USP6: variants seen among roughly 807,000 people sequenced by gnomAD.
USP6 encodes the protein ubiquitin specific peptidase 6, also known as ubiquitin carboxyl-terminal hydrolase 6.
A neutral mutation model predicts 175.7 loss-of-function variants in USP6; 128 were observed. That is an observed-to-expected ratio of 0.73 (90% CI 0.63 to 0.84). USP6 has a LOEUF of 0.84. Ranked by LOEUF, USP6 falls within the 40% of genes least tolerant of loss-of-function variation. The pLI, the probability that USP6 is intolerant of heterozygous loss-of-function variation, is 0.00. For missense variants in USP6, 1,498 were observed against 1,760.3 expected, an observed-to-expected ratio of 0.85 and a Z score of 2.67; for synonymous variants, 562 against 630.6, an observed-to-expected ratio of 0.89 and a Z score of 1.63.
In USP6 at chr17:5,172,955, G is replaced by A. The variant is rs755591470; in HGVS notation, c.4198G>A (p.Glu1400Lys). The A allele has an allele frequency of 3.5e-5, 56 of 1,613,936 alleles. No homozygotes were observed. Among genetic ancestry groups the A allele is most frequent in the South Asian group, 3.2e-4 (29 of 91,074 alleles). The change falls in exon 38 of 38, where the codon GAA becomes AAA. Residue 1400 changes from glutamate to lysine, a missense_variant. Physicochemically the swap from Glu to Lys is moderately conservative, Grantham distance 56. This residue lies in a region of USP6 where 1,217 missense variants were observed against 1,500.8 expected (regional missense o/e 0.81). Transcript: ENST00000574788. The part of the protein sequence containing the change: ...STDEDSESDY[E>K]KYSMLQ Reference sequence around the variant, plus strand: ...GGATGAAGACTCTGAGTCTGATTACGAAAAGTACTCTATGTTACAGTAAAG... The same window carrying A: ...GGATGAAGACTCTGAGTCTGATTACAAAAAGTACTCTATGTTACAGTAAAG...
At chr17:5,123,802 G>GAC (rs151078930) in intron 4 of USP6, among the ~76,000 whole-genome samples, 31 of 151,256 alleles carry the variant, frequency 2.0e-4, no homozygotes, top group South Asian at 1.2e-3. Context: ...ACACCTGTAG[G>GAC]ACACACACAC....
chr17:5,171,495 T>G (rs907465188), intron 36 of USP6, 92 bp from the exon 37 acceptor site: 2 of 1,176,978 alleles, frequency 1.7e-6, no homozygotes, highest in African/African-American at 3.1e-5. Flanking sequence ...ATCATTTACA[T>G]GATCAGTGTT....
At position 5,142,090 on chromosome 17, in the gene USP6, A is replaced by G; in HGVS notation, c.1661A>G (p.Gln554Arg). ...NSSIQCVSNT[Q>R]PLTQYFISGR... ...AGCATCCAGTGCGTTAGTAACACAC[A>G]GCCACTGACACAGTATTTTATCTCA... Residue 554 changes from glutamine to arginine, a missense_variant, in exon 24 of 38, where the codon CAG becomes CGG. Gln to Arg is a conservative substitution (Grantham distance 43). This residue lies in a region of USP6 where 1,217 missense variants were observed against 1,500.8 expected (regional missense o/e 0.81). Transcript: ENST00000574788. 1.2e-6 allele frequency: 2 copies of G among 1,613,940 alleles called. No homozygotes were observed. Among genetic ancestry groups the G allele is most frequent in the South Asian group, 2.2e-5 (2 of 91,060 alleles).
chr17:5,138,048 G>A, intron 20 of USP6, 73 bp from the exon 21 acceptor site: 1 of 1,611,356 alleles, frequency 6.2e-7, no homozygotes, highest in African/African-American at 1.3e-5. Flanking sequence ...GTGGGAGACT[G>A]AAGTGGCCAC....
chr17:5,137,454 G>A (rs1481733797), intron 19 of USP6, among the ~76,000 whole-genome samples, 197 bp from the exon 20 acceptor site: 1 of 152,208 alleles, frequency 6.6e-6, no homozygotes, highest in African/African-American at 2.4e-5. Flanking sequence ...CTCTCTCCAG[G>A]AGCCACATAC....
At chr17:5,172,784 A>C (rs2074255896) in intron 37 of USP6, 21 bp from the exon 38 acceptor site, 1 of 1,611,630 alleles carries the variant, frequency 6.2e-7, no homozygotes, top group Non-Finnish European at 8.5e-7. Context: ...TTTTTGTTAA[A>C]GGTTTTTCTT....
At position 5,144,736 on chromosome 17, in the gene USP6, A is replaced by G. The variant is rs753109888; in HGVS notation, c.1865A>G (p.Gln622Arg). The change falls in exon 26 of 38, where the codon CAA (glutamine) becomes CGA (arginine). Residue 622 changes from glutamine (Q) to arginine (R), a missense_variant. Transcript: ENST00000574788. ...CCCAAGTTTGATGGGTTTCAGCAAC[A>G]AGACTCCCAAGAACTTCTGGCTTTT... The part of the protein sequence containing the change: ...YAPKFDGFQQ[Q>R]DSQELLAFLL... 6.2e-7 allele frequency: 1 copy of G among 1,613,838 alleles called. No individual in the cohort carries two copies. The highest frequency in any genetic ancestry group is 1.7e-5 in the Admixed American group (1 of 59,998).
intron 22 of USP6, among the ~76,000 whole-genome samples, chr17:5,140,389 A>G (rs577104715): frequency 6.6e-6 from 1 of 152,206 alleles, no homozygotes; most frequent in South Asian, 2.1e-4. Context: ...TGGGAAACAT[A>G]GGTGGACCCT....
At chr17:5,121,863 G>C (rs112713334) in intron 4 of USP6, 113 bp downstream of exon 4, 2,113 of 151,720 alleles carry the variant, frequency 0.014, 19 homozygotes, top group Middle Eastern at 0.027. Flanking sequence ...GGGAACCTGT[G>C]GGGGTTTGCA....
intron 3 of USP6, 87 bp downstream of exon 3, chr17:5,120,875 G>T: frequency 2.2e-6 from 1 of 454,562 alleles, no homozygotes; most frequent in Non-Finnish European, 4.4e-6. Flanking sequence ...AGATCCACAG[G>T]CTGTCCCAGT....
chr17:5,121,040 G>A (rs1364993392), intron 3 of USP6, among the ~76,000 whole-genome samples: 1 of 152,232 alleles, frequency 6.6e-6, no homozygotes, highest in African/African-American at 2.4e-5. Flanking sequence ...CACCACAGCT[G>A]TTTACAGGAT....
chr17:5,126,670 C>T (rs1048350060), intron 6 of USP6: 1 of 152,260 alleles, frequency 6.6e-6, no homozygotes, highest in African/African-American at 2.4e-5. Flanking sequence ...ATTCCCTTCT[C>T]CTCATCTCTC....
At chr17:5,124,135 C>T (rs2072813664) in intron 4 of USP6, among the ~76,000 whole-genome samples, 1 of 152,206 alleles carries the variant, frequency 6.6e-6, no homozygotes, top group Non-Finnish European at 1.5e-5. Flanking sequence ...ACTGCAGGCA[C>T]AGTCTGTGCA....
At chr17:5,167,201 TTC>T (rs1180102554) in intron 33 of USP6, among the ~76,000 whole-genome samples, 8 of 152,126 alleles carry the variant, frequency 5.3e-5, no homozygotes, top group African/African-American at 1.9e-4. Context: ...GTTTCTGTGT[TTC>T]ATGTTATTTC....
rs1382569517 is a variant in USP6, at chr17:5,145,528, T to C, written c.2116T>C (p.Phe706Leu). ...AAGTGTCCGATTTGACCCTTTCAAT[T>C]TTTTGTCTTTGCCACTACCAATGGA... ...HISVRFDPFN[F>L]LSLPLPMDSY... Residue 706 changes from phenylalanine to leucine, a missense_variant, in exon 27 of 38, where the codon TTT becomes CTT. Transcript: ENST00000574788. 1.2e-6 allele frequency: 2 copies of C among 1,611,684 alleles called. No individual in the cohort carries two copies. Among genetic ancestry groups the C allele is most frequent in the South Asian group, 1.1e-5 (1 of 90,540 alleles).
chr17:5,170,843 TGAA>T lies in USP6; in HGVS notation c.3888_3890del (p.Glu1296del). 6.2e-7 allele frequency: 1 copy of T among 1,613,044 alleles called. No individual in the cohort carries two copies. Among genetic ancestry groups the T allele is most frequent in the East Asian group, 2.2e-5 (1 of 44,890 alleles). On this transcript the variant is annotated inframe_deletion, in exon 36 of 38. Coordinates refer to ENST00000574788, the MANE Select transcript of USP6 (RefSeq NM_001304284.2). Reference sequence around the variant, plus strand: ...GCAATGGTCAGCTTGGAAACCACAGTGAAGAAGACAGCACTGATGACCAAAGAG... The same window carrying T: ...GCAATGGTCAGCTTGGAAACCACAGTGAAGACAGCACTGATGACCAAAGAG...
Position 5,155,567 on chromosome 17 carries a change from C to T in USP6, c.2789C>T (p.Pro930Leu), listed in dbSNP as rs1314061293. The T allele has an allele frequency of 3.7e-6, 6 of 1,613,682 alleles. No homozygotes were observed. Among genetic ancestry groups the T allele is most frequent in the African/African-American group, 2.7e-5 (2 of 74,840 alleles). ...VWIQVSWLAR[P>L]LPPQEASIHA... The stretch of plus-strand genomic sequence containing the variant: ...ATTCAAGTATCCTGGTTAGCAAGAC[C>T]ACTCCCACCTCAGGAAGCTAGTATT... The change falls in exon 31 of 38, where the codon CCA becomes CTA. Residue 930 changes from proline (P) to leucine (L), a missense_variant. By Grantham distance (98) the Pro-to-Leu change is moderately conservative (BLOSUM62 -3). Around this residue, in one of 2 missense-constraint regions of USP6, gnomAD observed 1,217 missense variants for 1,500.8 expected, o/e 0.81. Transcript: ENST00000574788.
At chr17:5,171,217 G>A (rs771632368) in intron 36 of USP6, among the ~76,000 whole-genome samples, 40 of 152,132 alleles carry the variant, frequency 2.6e-4, no homozygotes, top group Non-Finnish European at 4.7e-4. Context: ...GCATGTGCCT[G>A]TGGTCCCAGC....
chr17:5,140,953 A>C (rs960517604), intron 22 of USP6, among the ~76,000 whole-genome samples: 4 of 152,134 alleles, frequency 2.6e-5, no homozygotes, highest in African/African-American at 9.7e-5. Context: ...GAATTTCTTA[A>C]ATTTTTTTAA....
Sources: allele counts gnomAD v4.1 joint callset (sites outside exome capture counted in the v4.1 genomes callset), GRCh38; gene constraint gnomAD v4.1.1; regional missense constraint gnomAD v4.1.1; transcripts MANE v1.5; gene names NCBI Gene and HGNC (gene_info 2026-07-23, HGNC 2026-07-21).